NFATC3: variants seen among roughly 807,000 people sequenced by gnomAD.
NFATC3 encodes the protein nuclear factor of activated T cells 3, also known as nuclear factor of activated T-cells, cytoplasmic 3.
Under a neutral mutation model 98.6 loss-of-function variants are expected in NFATC3, and 46 were observed. The observed-to-expected ratio is 0.47, with a 90% CI of 0.37 to 0.60. The LOEUF is 0.60. Among genes scored for constraint, NFATC3 ranks in the 20% least tolerant of loss-of-function variants. The probability of loss-of-function intolerance (pLI) is 0.00; values close to 1 mark genes in which losing one functional copy is unlikely to be tolerated. For missense variants in NFATC3, 1,256 were observed against 1,295.5 expected, an observed-to-expected ratio of 0.97 and a Z score of 0.47; for synonymous variants, 512 against 472.2, an observed-to-expected ratio of 1.08 and a Z score of -1.09.
At chr16:68,193,274 G>C (rs971741987) in intron 9 of NFATC3, among the ~76,000 whole-genome samples, 3 of 152,006 alleles carry the variant, frequency 2.0e-5, no homozygotes, top group African/African-American at 7.3e-5. Flanking sequence ...GTATGGGGGG[G>C]TTGTATGGTA....
chr16:68,163,891 G>A (rs1317673278), intron 4 of NFATC3, among the ~76,000 whole-genome samples: 3 of 150,896 alleles, frequency 2.0e-5, no homozygotes, highest in Non-Finnish European at 3.0e-5. Flanking sequence ...GATGGCGGCC[G>A]GGCAGAGACG....
At chr16:68,209,239 C>T (rs1426372692) in intron 9 of NFATC3, among the ~76,000 whole-genome samples, 7 of 152,128 alleles carry the variant, frequency 4.6e-5, no homozygotes, top group Non-Finnish European at 8.8e-5. Flanking sequence ...CGGTGGCTCA[C>T]GCCTGTGATA....
At chr16:68,167,908 C>T (rs1380950031) in intron 5 of NFATC3, among the ~76,000 whole-genome samples, 2 of 133,000 alleles carry the variant, frequency 1.5e-5, no homozygotes, top group Non-Finnish European at 3.1e-5. Context: ...TCTTGGCTCA[C>T]TGCAACCTCC....
intron 3 of NFATC3, among the ~76,000 whole-genome samples, chr16:68,146,032 T>G (rs1471007331): frequency 6.6e-6 from 1 of 151,994 alleles, no homozygotes; most frequent in Non-Finnish European, 1.5e-5. Context: ...GTCAGAAGTG[T>G]CTTAGATTTT....
chr16:68,089,089 A>G, intron 1 of NFATC3: 1 of 985,466 alleles, frequency 1.0e-6, no homozygotes, highest in South Asian at 4.7e-5. Flanking sequence ...TGAGTTCCAT[A>G]AATTAGATCT....
At chr16:68,138,751 A>G in intron 3 of NFATC3, 2 of 1,288,314 alleles carry the variant, frequency 1.6e-6, no homozygotes, top group Non-Finnish European at 2.0e-6. Flanking sequence ...AAAACTCTGT[A>G]TTCTGTAGTA....
chr16:68,221,399 C>T, intron 9 of NFATC3: 1 of 1,484,290 alleles, frequency 6.7e-7, no homozygotes, highest in Non-Finnish European at 9.0e-7. Context: ...TGTGAAAGCA[C>T]TTTGTTGCAG....
intron 3 of NFATC3, among the ~76,000 whole-genome samples, chr16:68,150,070 T>C (rs1413644387): frequency 6.6e-6 from 1 of 152,210 alleles, no homozygotes; most frequent in African/African-American, 2.4e-5. Context: ...TCTGGAATTG[T>C]TTCTGCAGTA....
chr16:68,113,377 C>G (rs1208780669), intron 1 of NFATC3, among the ~76,000 whole-genome samples: 1 of 152,158 alleles, frequency 6.6e-6, no homozygotes, highest in African/African-American at 2.4e-5. Flanking sequence ...ACTAGGGGAC[C>G]ACTCCTGACC....
At chr16:68,110,343 C>G (rs1167579189) in intron 1 of NFATC3, among the ~76,000 whole-genome samples, 4 of 146,768 alleles carry the variant, frequency 2.7e-5, no homozygotes. Flanking sequence ...AAGTCTCGCT[C>G]TGTTGCCCAG....
intron 3 of NFATC3, among the ~76,000 whole-genome samples, chr16:68,143,430 G>C (rs2037864343): frequency 6.6e-6 from 1 of 152,080 alleles, no homozygotes; most frequent in South Asian, 2.1e-4. Flanking sequence ...TCTTTAAGAG[G>C]TTTTATATTG....
intron 1 of NFATC3, among the ~76,000 whole-genome samples, chr16:68,095,347 A>T (rs2034960326): frequency 2.9e-5 from 3 of 103,824 alleles, no homozygotes; most frequent in African/African-American, 4.1e-5. Context: ...TGCCCAGCTA[A>T]TTTTTTTTTT....
At chr16:68,164,268 G>A (rs940989820) in intron 4 of NFATC3, among the ~76,000 whole-genome samples, 3 of 152,208 alleles carry the variant, frequency 2.0e-5, no homozygotes, top group African/African-American at 2.4e-5. Context: ...CAGGTGTGGC[G>A]GCGTGCGCCT....
intron 9 of NFATC3, among the ~76,000 whole-genome samples, chr16:68,198,456 AC>A (rs1384449495): frequency 4.6e-5 from 7 of 152,058 alleles, no homozygotes; most frequent in African/African-American, 1.4e-4. Context: ...AAAGACTAAA[AC>A]CTGTTTTCTG....
intron 1 of NFATC3, among the ~76,000 whole-genome samples, chr16:68,109,070 C>T (rs2151477686): frequency 6.6e-6 from 1 of 152,310 alleles, no homozygotes; most frequent in South Asian, 2.1e-4. Context: ...GTATTTCTTT[C>T]TCTTGCCTCA....
Position 68,122,227 on chromosome 16 carries a change from C to T in NFATC3, c.344C>T (p.Ser115Phe). The T allele has an allele frequency of 1.2e-6, 2 of 1,614,124 alleles. No homozygotes were observed. Among genetic ancestry groups the T allele is most frequent in the Non-Finnish European group, 1.7e-6 (2 of 1,180,030 alleles). ...PFECPSIQIT[S>F]ISPNCHQELD... Reference sequence around the variant, plus strand: ...GAGTGCCCAAGTATTCAAATTACATCTATCTCTCCTAACTGTCATCAAGAA... The same window carrying T: ...GAGTGCCCAAGTATTCAAATTACATTTATCTCTCCTAACTGTCATCAAGAA... Residue 115 changes from serine (S) to phenylalanine (F), a missense_variant, in exon 2 of 10, where the codon TCT becomes TTT. By Grantham distance (155) the Ser-to-Phe change is radical. Coordinates refer to ENST00000346183, the MANE Select transcript of NFATC3 (RefSeq NM_173165.3).
intron 4 of NFATC3, among the ~76,000 whole-genome samples, chr16:68,159,989 A>G (rs1428614122): frequency 6.6e-6 from 1 of 151,692 alleles, no homozygotes; most frequent in Admixed American, 6.6e-5. Flanking sequence ...GAGGCAGGAG[A>G]ATTGCTTGAA....
chr16:68,192,230 A>ATATATATATAT (rs10642778), intron 9 of NFATC3: 19 of 82,582 alleles, frequency 2.3e-4, no homozygotes, highest in African/African-American at 4.6e-4. Flanking sequence ...AAAAAAAAAA[A>ATATATATATAT]ATATATATAT....
chr16:68,207,695 C>T (rs1431116424), intron 9 of NFATC3, among the ~76,000 whole-genome samples: 2 of 152,200 alleles, frequency 1.3e-5, no homozygotes, highest in African/African-American at 4.8e-5. Flanking sequence ...CTTCTGACCT[C>T]AGGTCACCCA....
Sources: allele counts gnomAD v4.1 joint callset (sites outside exome capture counted in the v4.1 genomes callset), GRCh38; gene constraint gnomAD v4.1.1; transcripts MANE v1.5; gene names NCBI Gene and HGNC (gene_info 2026-07-23, HGNC 2026-07-21).